Variants in NTNG1 observed in about 807,000 individuals in gnomAD.
NTNG1 encodes netrin-G1.
In NTNG1, 16 loss-of-function variants were observed where a neutral mutation model predicts 54.0. The ratio of observed to expected loss-of-function variants is 0.30; its 90% CI spans 0.20 to 0.45. The LOEUF is 0.45. NTNG1 is among the 20% of genes least tolerant of loss of function. The pLI is 1.00. For synonymous variants in NTNG1, 255 were observed against 263.1 expected (o/e 0.97, Z 0.30); for missense variants, 530 against 678.7 (o/e 0.78, Z 2.43).
chr1:107,177,668 G>A (rs76672539), intron 2 of NTNG1, among the ~76,000 whole-genome samples: 2,829 of 152,166 alleles, frequency 0.019, 86 homozygotes, highest in African/African-American at 0.064. Flanking sequence ...TTGCTGATTT[G>A]CTTCTTGCAT....
chr1:107,435,343 GT>G (rs1675530487), intron 6 of NTNG1, among the ~76,000 whole-genome samples: 1 of 152,060 alleles, frequency 6.6e-6, no homozygotes. Context: ...TAAAACTCTA[GT>G]TGTTAAGTAC....
chr1:107,252,262 T>C (rs916277934), intron 2 of NTNG1, among the ~76,000 whole-genome samples: 1 of 152,206 alleles, frequency 6.6e-6, no homozygotes, highest in Non-Finnish European at 1.5e-5. Context: ...CCATGATGCA[T>C]TGTCCTTTTA....
intron 7 of NTNG1, among the ~76,000 whole-genome samples, chr1:107,444,502 A>G (rs902049664): frequency 7.2e-5 from 11 of 152,136 alleles, no homozygotes; most frequent in African/African-American, 2.4e-4. Flanking sequence ...GACAGTGGAC[A>G]TACCAGACGG....
At chr1:107,420,660 C>A (rs910605273) in intron 5 of NTNG1, among the ~76,000 whole-genome samples, 10 of 151,804 alleles carry the variant, frequency 6.6e-5, no homozygotes, top group African/African-American at 2.2e-4. Flanking sequence ...CTAATTAGTT[C>A]AACAAAAATA....
intron 5 of NTNG1, among the ~76,000 whole-genome samples, chr1:107,419,958 CT>C (rs1343485182): frequency 1.3e-5 from 2 of 152,154 alleles, no homozygotes; most frequent in African/African-American, 2.4e-5. Context: ...AAGCTTGCCC[CT>C]ATTAGTATAA....
chr1:107,480,576 G>GCCCCCCCCCCCCC, intron 7 of NTNG1, 35 bp from the exon 8 acceptor site: 1 of 339,098 alleles, frequency 2.9e-6, no homozygotes, highest in Non-Finnish European at 5.7e-6. Context: ...TCCTCCCCGC[G>GCCCCCCCCCCCCC]CCCACCCACC....
At chr1:107,457,393 G>A (rs1025698714) in intron 7 of NTNG1, among the ~76,000 whole-genome samples, 1 of 152,184 alleles carries the variant, frequency 6.6e-6, no homozygotes, top group South Asian at 2.1e-4. Context: ...TTACCCATGT[G>A]CATGGCACTG....
intron 2 of NTNG1, among the ~76,000 whole-genome samples, chr1:107,280,056 TG>T (rs1379693983): frequency 1.3e-5 from 2 of 151,758 alleles, no homozygotes; most frequent in Non-Finnish European, 2.9e-5. Context: ...TGTGTGTGTG[TG>T]TGTGTGTGTG....
At chr1:107,154,490 G>A (rs907036246) in intron 2 of NTNG1, among the ~76,000 whole-genome samples, 1 of 150,832 alleles carries the variant, frequency 6.6e-6, no homozygotes, top group African/African-American at 2.4e-5. Flanking sequence ...CAGCTACTTG[G>A]GAGGCTGAGG....
At chr1:107,439,834 T>C (rs1374957954) in intron 7 of NTNG1, among the ~76,000 whole-genome samples, 2 of 152,024 alleles carry the variant, frequency 1.3e-5, no homozygotes, top group African/African-American at 4.8e-5. Context: ...TTATAGTTGA[T>C]GTGCATTCTG....
At chr1:107,313,452 T>C (rs538985065) in intron 2 of NTNG1, among the ~76,000 whole-genome samples, 3 of 152,292 alleles carry the variant, frequency 2.0e-5, no homozygotes, top group Admixed American at 6.5e-5. Context: ...CTTGAATAGA[T>C]GGATCTGAGG....
chr1:107,431,011 G>A (rs1487555388), intron 6 of NTNG1, 94 bp downstream of exon 6: 2 of 1,116,216 alleles, frequency 1.8e-6, no homozygotes, highest in Non-Finnish European at 2.6e-6. Context: ...CACCGCGGTT[G>A]AGCCAGAATG....
At chr1:107,289,605 A>G (rs980959229) in intron 2 of NTNG1, among the ~76,000 whole-genome samples, 7 of 152,158 alleles carry the variant, frequency 4.6e-5, no homozygotes, top group African/African-American at 1.7e-4. Flanking sequence ...TCTTTCTTCA[A>G]CCCTAGCCCA....
At chr1:107,329,197 T>C (rs886686306) in intron 3 of NTNG1, among the ~76,000 whole-genome samples, 7 of 152,148 alleles carry the variant, frequency 4.6e-5, no homozygotes, top group Non-Finnish European at 1.0e-4. Context: ...GACAAAACTT[T>C]TTGGTGCCAT....
intron 2 of NTNG1, among the ~76,000 whole-genome samples, chr1:107,206,750 T>C (rs1355166524): frequency 6.6e-6 from 1 of 152,176 alleles, no homozygotes; most frequent in Non-Finnish European, 1.5e-5. Flanking sequence ...TAGTATATAT[T>C]GGGTTTTGTG....
chr1:107,178,913 C>T (rs534436708), intron 2 of NTNG1, among the ~76,000 whole-genome samples: 2 of 152,208 alleles, frequency 1.3e-5, no homozygotes, highest in Non-Finnish European at 2.9e-5. Flanking sequence ...TCTGGGAATG[C>T]TCACCTCTTG....
At chr1:107,413,231 C>T (rs1000821405) in intron 5 of NTNG1, among the ~76,000 whole-genome samples, 1 of 151,300 alleles carries the variant, frequency 6.6e-6, no homozygotes, top group African/African-American at 2.4e-5. Flanking sequence ...GACGCAGTCT[C>T]AGCTTACTGC....
chr1:107,311,734 C>T (rs79623799), intron 2 of NTNG1, among the ~76,000 whole-genome samples: 1 of 152,098 alleles, frequency 6.6e-6, no homozygotes, highest in Non-Finnish European at 1.5e-5. Context: ...TTTCTTGAAT[C>T]ATTAAAAATG....
Position 107,470,044 on chromosome 1 carries a change from T to C in NTNG1, c.1391-10567T>C, listed in dbSNP as rs150490714. 4.1e-3 allele frequency among the ~76,000 whole-genome samples: 630 copies of C among 152,262 alleles called. 9 individuals are homozygous for C. Among genetic ancestry groups the C allele is most frequent in the African/African-American group, 0.014 (577 of 41,564 alleles). On this transcript the variant is annotated intron_variant, in intron 7 of 7. Transcript: ENST00000370068. ...GGTCATCCGTTGGGTTGCAGATCCC[T>C]TTAGCTCAGGAAGCTCTGATGGTTC...
Sources: gnomAD v4.1 joint callset for allele counts (sites outside exome capture counted in the v4.1 genomes callset) on GRCh38, gnomAD v4.1.1 for gene constraint, MANE v1.5 for transcripts, NCBI Gene and HGNC (gene_info 2026-07-23, HGNC 2026-07-21) for gene names.